SPOCK3: variants seen among roughly 807,000 people sequenced by gnomAD.
SPOCK3 encodes SPARC (osteonectin), cwcv and kazal like domains proteoglycan 3.
Under a neutral mutation model 56.6 loss-of-function variants are expected in SPOCK3, and 30 were observed. The ratio of observed to expected loss-of-function variants is 0.53; its 90% confidence interval spans 0.40 to 0.72. The LOEUF is 0.72. Among genes scored for constraint, SPOCK3 ranks in the 30% least tolerant of loss-of-function variants. SPOCK3 has a pLI of 0.00. For missense variants in SPOCK3, 527 were observed against 530.0 expected, an observed-to-expected ratio of 0.99 and a Z score of 0.06; for synonymous variants, 196 against 183.3, an observed-to-expected ratio of 1.07 and a Z score of -0.56.
intron 4 of SPOCK3, among the ~76,000 whole-genome samples, chr4:166,973,578 A>T (rs1246097413): frequency 6.6e-6 from 1 of 152,172 alleles, no homozygotes; most frequent in Non-Finnish European, 1.5e-5. Flanking sequence ...AATTTAATAA[A>T]AAGAAATATA....
rs139136453 is a variant in SPOCK3 at position 166,989,622 on chromosome 4, T to TAA, written c.350+10726_350+10727insTT. Among the ~76,000 whole-genome samples, 7 of 152,220 alleles carry TAA rather than the reference T, an allele frequency of 4.6e-5. No individual in the cohort carries two copies. The East Asian group carries it at 1.4e-3, about 29-fold the overall frequency. On this transcript the variant is annotated intron_variant, in intron 4 of 10. Coordinates refer to ENST00000357545, the MANE Select transcript of SPOCK3 (RefSeq NM_001040159.2). ...CAGGAGACAAGTTCTTCAAAACACTTACACAGTCTCCTATGCTTTTAACCA... is the reference window on the plus strand; with the variant it reads ...CAGGAGACAAGTTCTTCAAAACACTTAAACACAGTCTCCTATGCTTTTAACCA...
chr4:166,900,177 G>A (rs77158985), intron 5 of SPOCK3, among the ~76,000 whole-genome samples: 7,039 of 152,168 alleles, frequency 0.046, 218 homozygotes, highest in Non-Finnish European at 0.067. Flanking sequence ...TCACTGTACC[G>A]TTTAAAACTA....
intron 4 of SPOCK3, among the ~76,000 whole-genome samples, chr4:166,921,006 A>G (rs529199719): frequency 6.6e-6 from 1 of 152,272 alleles, no homozygotes; most frequent in South Asian, 2.1e-4. Flanking sequence ...TGTGGAAGTC[A>G]TTATCATTGC....
At chr4:167,060,637 TA>T (rs1257254400) in intron 3 of SPOCK3, among the ~76,000 whole-genome samples, 1 of 152,190 alleles carries the variant, frequency 6.6e-6, no homozygotes, top group Non-Finnish European at 1.5e-5. Context: ...AATACTGTTT[TA>T]ACATATAGAA....
chr4:166,976,739 T>G (rs1745992937), intron 4 of SPOCK3, among the ~76,000 whole-genome samples: 1 of 152,092 alleles, frequency 6.6e-6, no homozygotes, highest in South Asian at 2.1e-4. Context: ...AATTGCTCAA[T>G]AAATATTTAC....
chr4:166,856,780 T>TTATCTATCTATCTATCTATC (rs75127358), intron 6 of SPOCK3, among the ~76,000 whole-genome samples: 335 of 149,388 alleles, frequency 2.2e-3, no homozygotes, highest in Non-Finnish European at 3.4e-3. Flanking sequence ...CTCAAAAAAA[T>TTATCTATCTATCTATCTATC]TATCTATCTA....
intron 6 of SPOCK3, among the ~76,000 whole-genome samples, chr4:166,813,431 A>G (rs1744050220): frequency 6.6e-6 from 1 of 152,064 alleles, no homozygotes; most frequent in African/African-American, 2.4e-5. Context: ...CTTGAAGAAC[A>G]GCAACTCTAA....
At chr4:167,160,035 G>A (rs35335621) in intron 2 of SPOCK3, among the ~76,000 whole-genome samples, 17,999 of 152,006 alleles carry the variant, frequency 0.12, 1,185 homozygotes, top group East Asian at 0.23. Flanking sequence ...TGGAAGTTCT[G>A]GCCAGGGCAA....
At chr4:166,919,621 C>G (rs934446027) in intron 4 of SPOCK3, among the ~76,000 whole-genome samples, 1 of 152,132 alleles carries the variant, frequency 6.6e-6, no homozygotes, top group Admixed American at 6.6e-5. Context: ...TAATTCCACA[C>G]TATTTCAATT....
chr4:167,154,038 C>T (rs929213593), intron 2 of SPOCK3, among the ~76,000 whole-genome samples: 2 of 152,030 alleles, frequency 1.3e-5, no homozygotes, highest in South Asian at 2.1e-4. Context: ...TTAAGGATCA[C>T]GTACAATATT....
At chr4:167,212,496 C>T (rs771381250) in intron 2 of SPOCK3, among the ~76,000 whole-genome samples, 1 of 152,088 alleles carries the variant, frequency 6.6e-6, no homozygotes, top group Non-Finnish European at 1.5e-5. Context: ...CCGCCTCGGC[C>T]TCCCAAAGTG....
intron 4 of SPOCK3, among the ~76,000 whole-genome samples, chr4:166,961,410 A>T (rs1436445123): frequency 6.6e-6 from 1 of 152,068 alleles, no homozygotes; most frequent in Non-Finnish European, 1.5e-5. Context: ...AAACTTCTGG[A>T]GGATAATTTA....
In SPOCK3 at chr4:167,160,985, C is replaced by CAAGG. The variant is rs574202800; in HGVS notation, c.189+72996_189+72999dup. On this transcript the variant is annotated intron_variant, in intron 2 of 10. Coordinates refer to ENST00000357545, the MANE Select transcript of SPOCK3 (RefSeq NM_001040159.2). ...ATACCATTCAGGACATAGGCATGGGCAAGGACTTCATGTCTAAAACACCAA... is the reference window on the plus strand; with the variant it reads ...ATACCATTCAGGACATAGGCATGGGCAAGGAAGGACTTCATGTCTAAAACACCAA... 8.9e-3 allele frequency among the ~76,000 whole-genome samples: 1,355 copies of CAAGG among 152,214 alleles called. 11 individuals are homozygous for CAAGG. The highest frequency in any genetic ancestry group is 0.013 in the Non-Finnish European group (911 of 68,012).
chr4:166,901,367 G>A (rs989873048), intron 5 of SPOCK3, among the ~76,000 whole-genome samples: 3 of 152,130 alleles, frequency 2.0e-5, no homozygotes, highest in Non-Finnish European at 2.9e-5. Context: ...TCCCCTGAAC[G>A]ATATAGGTCC....
chr4:167,202,481 C>T (rs1382729002), intron 2 of SPOCK3, among the ~76,000 whole-genome samples: 1 of 151,954 alleles, frequency 6.6e-6, no homozygotes, highest in Non-Finnish European at 1.5e-5. Context: ...CATTAAAACA[C>T]ACTTGCTATA....
At chr4:167,011,278 A>G (rs1173570297) in intron 3 of SPOCK3, 1 of 455,940 alleles carries the variant, frequency 2.2e-6, no homozygotes, top group Non-Finnish European at 4.4e-6. Context: ...TCACACAAAA[A>G]TCCCCAAATC....
At chr4:166,771,143 A>G (rs1738883213) in intron 7 of SPOCK3, among the ~76,000 whole-genome samples, 1 of 150,964 alleles carries the variant, frequency 6.6e-6, no homozygotes, top group Non-Finnish European at 1.5e-5. Context: ...AATAGTAGCT[A>G]TTGTTTAAAA....
chr4:166,831,509 C>T (rs950477187), intron 6 of SPOCK3, among the ~76,000 whole-genome samples: 1 of 151,974 alleles, frequency 6.6e-6, no homozygotes, highest in African/African-American at 2.4e-5. Context: ...TGAATTTCTT[C>T]TTGAGTAAGC....
intron 2 of SPOCK3, among the ~76,000 whole-genome samples, chr4:167,213,131 G>A (rs761630909): frequency 2.6e-5 from 4 of 152,336 alleles, no homozygotes; most frequent in Admixed American, 1.3e-4. Context: ...AGATGGCCTG[G>A]TGTCAGCCTA....
Sources: gnomAD v4.1 joint callset for allele counts (sites outside exome capture counted in the v4.1 genomes callset) on GRCh38, gnomAD v4.1.1 for gene constraint, MANE v1.5 for transcripts, NCBI Gene and HGNC (gene_info 2026-07-23, HGNC 2026-07-21) for gene names.